The following FGGY variants were observed in gnomAD, a reference collection of about 807,000 sequenced individuals.
FGGY encodes the protein FGGY carbohydrate kinase domain-containing protein.
In FGGY, 72 loss-of-function variants were observed where a neutral mutation model predicts 71.3. The observed-to-expected ratio is 1.01, with a 90% confidence interval of 0.84 to 1.23. FGGY has a LOEUF of 1.23. Among genes scored for constraint, FGGY ranks in the 50% most tolerant of loss-of-function variants. The pLI is 0.00. For missense variants in FGGY, 668 were observed against 682.3 expected, an observed-to-expected ratio of 0.98 and a Z score of 0.23; for synonymous variants, 251 against 250.3, an observed-to-expected ratio of 1.00 and a Z score of -0.02.
intron 7 of FGGY, among the ~76,000 whole-genome samples, chr1:59,546,708 G>A (rs2095531529): frequency 6.6e-6 from 1 of 151,632 alleles, no homozygotes; most frequent in South Asian, 2.1e-4. Context: ...ACCACGCCCG[G>A]CTAATTTTTT....
intron 8 of FGGY, among the ~76,000 whole-genome samples, chr1:59,593,298 T>C (rs1378053116): frequency 6.6e-6 from 1 of 152,230 alleles, no homozygotes; most frequent in East Asian, 1.9e-4. Context: ...AATCAACATA[T>C]AAATGGGGAT....
chr1:59,545,488 G>A (rs1200313668), intron 7 of FGGY, among the ~76,000 whole-genome samples: 1 of 152,160 alleles, frequency 6.6e-6, no homozygotes, highest in Non-Finnish European at 1.5e-5. Context: ...TGAAGTCATA[G>A]ATGATAATGT....
At chr1:59,635,389 A>G (rs1037502588) in intron 10 of FGGY, among the ~76,000 whole-genome samples, 1 of 152,184 alleles carries the variant, frequency 6.6e-6, no homozygotes, top group Non-Finnish European at 1.5e-5. Context: ...TAGAGGCTAA[A>G]TGAATCTCAC....
intron 5 of FGGY, among the ~76,000 whole-genome samples, chr1:59,403,278 T>C (rs561995023): frequency 6.6e-6 from 1 of 152,340 alleles, no homozygotes; most frequent in East Asian, 1.9e-4. Context: ...CTATACTGAC[T>C]TTGACAAGCC....
chr1:59,451,380 G>T (rs200893607), intron 5 of FGGY, among the ~76,000 whole-genome samples: 10 of 146,616 alleles, frequency 6.8e-5, no homozygotes, highest in Admixed American at 2.0e-4. Flanking sequence ...GTTGTTGTTT[G>T]TTTTTTTTTT....
chr1:59,616,777 T>C (rs2096759922), intron 9 of FGGY, among the ~76,000 whole-genome samples: 1 of 152,136 alleles, frequency 6.6e-6, no homozygotes, highest in Non-Finnish European at 1.5e-5. Flanking sequence ...AATATTATTT[T>C]GAAGGCTTGT....
intron 4 of FGGY, among the ~76,000 whole-genome samples, chr1:59,359,622 C>T (rs2055016109): frequency 6.6e-6 from 1 of 152,176 alleles, no homozygotes; most frequent in African/African-American, 2.4e-5. Flanking sequence ...TCCCTGGAGG[C>T]TTGTCTGTTC....
intron 14 of FGGY, among the ~76,000 whole-genome samples, chr1:59,721,333 C>CTTTTTTTTTT (rs1193468922): frequency 8.7e-5 from 6 of 68,578 alleles, no homozygotes; most frequent in African/African-American, 1.7e-4. Flanking sequence ...CTTTTCTTTC[C>CTTTTTTTTTT]TTTGTTTTTT....
chr1:59,687,242 G>T (rs891953976), intron 14 of FGGY, among the ~76,000 whole-genome samples: 1 of 152,092 alleles, frequency 6.6e-6, no homozygotes, highest in Non-Finnish European at 1.5e-5. Flanking sequence ...TGCATTTTCT[G>T]TCTGATTCCA....
intron 4 of FGGY, among the ~76,000 whole-genome samples, chr1:59,356,191 G>T (rs2054281409): frequency 6.6e-6 from 1 of 152,078 alleles, no homozygotes; most frequent in South Asian, 2.1e-4. Context: ...ACTTGAATTT[G>T]AGACTTAGGC....
intron 9 of FGGY, among the ~76,000 whole-genome samples, chr1:59,620,154 A>G (rs2096793987): frequency 6.6e-6 from 1 of 151,996 alleles, no homozygotes; most frequent in Admixed American, 6.6e-5. Context: ...TTGACCCTCC[A>G]TTATCTTCCT....
chr1:59,527,403 C>T (rs1252540080), intron 7 of FGGY, among the ~76,000 whole-genome samples: 1 of 152,208 alleles, frequency 6.6e-6, no homozygotes, highest in African/African-American at 2.4e-5. Flanking sequence ...GTTTCACGAT[C>T]ACTGTTTCTC....
chr1:59,649,735 C>G (rs961399584), intron 11 of FGGY, among the ~76,000 whole-genome samples: 1 of 139,044 alleles, frequency 7.2e-6, no homozygotes, highest in Non-Finnish European at 1.5e-5. Flanking sequence ...AATTGGATAC[C>G]CTTTATTTCC....
intron 5 of FGGY, among the ~76,000 whole-genome samples, chr1:59,408,602 G>C (rs1266860382): frequency 2.0e-5 from 3 of 152,152 alleles, no homozygotes; most frequent in African/African-American, 7.2e-5. Flanking sequence ...ATATGTATAT[G>C]CAGGCACATG....
intron 14 of FGGY, among the ~76,000 whole-genome samples, chr1:59,709,435 G>A (rs1368137474): frequency 6.7e-6 from 1 of 150,274 alleles, no homozygotes; most frequent in Non-Finnish European, 1.5e-5. Flanking sequence ...TTTGAGATGA[G>A]ATTTAGGTGG....
intron 10 of FGGY, among the ~76,000 whole-genome samples, chr1:59,629,562 G>C (rs573874686): frequency 6.6e-6 from 1 of 152,106 alleles, no homozygotes; most frequent in African/African-American, 2.4e-5. Flanking sequence ...ACCTAGAAAA[G>C]GGATTCCTAA....
intron 6 of FGGY, among the ~76,000 whole-genome samples, chr1:59,493,096 A>AACACACACACACACACACACACACACAC (rs3035371): frequency 2.1e-5 from 3 of 143,024 alleles, no homozygotes; most frequent in African/African-American, 7.8e-5. Flanking sequence ...TACCAAACAA[A>AACACACACACACACACACACACACACAC]ACACACACAC....
At position 59,762,588 on chromosome 1, in the gene FGGY, G is replaced by A. The variant is rs892110614; in HGVS notation, c.*4G>A. On this transcript the variant is annotated 3_prime_UTR_variant, in exon 16 of 16. Coordinates refer to ENST00000303721, the MANE Select transcript of FGGY (RefSeq NM_018291.5). ...GGCGATCATGAATGATGACTGAACA[G>A]GGCTTGCAGGTGCTGATGCCAGAAG... 5.6e-6 allele frequency: 9 copies of A among 1,612,408 alleles called. No homozygotes were observed. The African/African-American group carries it at 9.3e-5, about 17-fold the overall frequency.
intron 14 of FGGY, among the ~76,000 whole-genome samples, chr1:59,691,373 C>T (rs191309322): frequency 5.9e-5 from 9 of 152,274 alleles, no homozygotes; most frequent in Admixed American, 2.0e-4. Flanking sequence ...GTTCCAGGCA[C>T]GGAGGGGTGT....
Sources: gnomAD v4.1 joint callset for allele counts (sites outside exome capture counted in the v4.1 genomes callset) on GRCh38, gnomAD v4.1.1 for gene constraint, MANE v1.5 for transcripts, NCBI Gene and HGNC (gene_info 2026-07-23, HGNC 2026-07-21) for gene names.